The following PCBP3 variants were observed in gnomAD, a reference collection of about 807,000 sequenced individuals.
The protein encoded by PCBP3 is poly(rC) binding protein 3.
In PCBP3, 25 loss-of-function variants were observed where a neutral mutation model predicts 52.7. The ratio of observed to expected loss-of-function variants is 0.47; its 90% CI spans 0.35 to 0.66. The LOEUF is 0.66. PCBP3 is among the 30% of genes least tolerant of loss of function. PCBP3 has a pLI of 0.01. For synonymous variants in PCBP3, 162 were observed against 183.0 expected, an observed-to-expected ratio of 0.89 and a Z score of 0.93; for missense variants, 391 against 490.3, an observed-to-expected ratio of 0.80 and a Z score of 1.91.
chr21:45,835,591 G>C (rs57692217), intron 4 of PCBP3, among the ~76,000 whole-genome samples: 3,641 of 152,304 alleles, frequency 0.024, 163 homozygotes, highest in African/African-American at 0.082. Flanking sequence ...AGCATTCTGG[G>C]CACTCACATG....
At chr21:45,809,045 G>C (rs905951470) in intron 4 of PCBP3, among the ~76,000 whole-genome samples, 2 of 152,054 alleles carry the variant, frequency 1.3e-5, no homozygotes, top group African/African-American at 4.8e-5. Flanking sequence ...GTTGGGGGGT[G>C]GGGGGCTAGG....
At chr21:45,833,842 T>G in intron 4 of PCBP3, among the ~76,000 whole-genome samples, 1 of 152,222 alleles carries the variant, frequency 6.6e-6, no homozygotes, top group Non-Finnish European at 1.5e-5. Flanking sequence ...CCTGCCTGCC[T>G]GGGCAGGAGC....
At chr21:45,776,434 C>G (rs754397306) in intron 4 of PCBP3, among the ~76,000 whole-genome samples, 4 of 151,684 alleles carry the variant, frequency 2.6e-5, no homozygotes, top group African/African-American at 4.9e-5. Context: ...ACTTGAGTCT[C>G]TCTCTCTCCC....
At chr21:45,895,176 G>A (rs1415929641) in intron 5 of PCBP3, among the ~76,000 whole-genome samples, 13 of 152,208 alleles carry the variant, frequency 8.5e-5, no homozygotes, top group Admixed American at 4.6e-4. Context: ...CGGGCTTTAC[G>A]TCTGTGTTAT....
At chr21:45,789,440 ATG>A (rs1405588983) in intron 4 of PCBP3, among the ~76,000 whole-genome samples, 2 of 114,676 alleles carry the variant, frequency 1.7e-5, no homozygotes, top group Non-Finnish European at 4.2e-5. Context: ...ATGTGTACAC[ATG>A]TGTGCATACA....
In PCBP3 at chr21:45,928,022, G is replaced by A. The variant is rs1056421625; in HGVS notation, c.718-1895G>A. Among the ~76,000 whole-genome samples, 2 of 152,206 alleles carry A rather than the reference G, an allele frequency of 1.3e-5. No homozygotes were observed. Among genetic ancestry groups the A allele is most frequent in the African/African-American group, 2.4e-5 (1 of 41,460 alleles). ...TTTGCCAGGAGTGTCTCACCCCGCC[G>A]TGGGCGATCTTGCCTGCAGCTCTCC... is the stretch of plus-strand genomic sequence containing the variant. On this transcript the variant is annotated intron_variant, in intron 13 of 17. Coordinates refer to ENST00000681687, the MANE Select transcript of PCBP3 (RefSeq NM_001384156.1). The surrounding 1 kb of genome is among the most constrained non-coding windows in gnomAD (Gnocchi z 4.1).
chr21:45,659,109 ATTG>A (rs2080214044), intron 1 of PCBP3, among the ~76,000 whole-genome samples: 1 of 139,722 alleles, frequency 7.2e-6, no homozygotes, highest in Non-Finnish European at 1.6e-5. Flanking sequence ...CTTTGGTTTC[ATTG>A]TTGTTTTTCT....
intron 4 of PCBP3, among the ~76,000 whole-genome samples, chr21:45,799,873 T>C (rs1048143733): frequency 2.6e-5 from 4 of 152,198 alleles, no homozygotes; most frequent in Admixed American, 2.6e-4. Context: ...AAGCAGCCTC[T>C]TGAGGTGATG....
intron 3 of PCBP3, among the ~76,000 whole-genome samples, chr21:45,738,756 T>G (rs910298007): frequency 1.3e-5 from 1 of 74,386 alleles, no homozygotes; most frequent in African/African-American, 5.4e-5. Flanking sequence ...GTCCATTGTC[T>G]TCTGCGTGGC....
chr21:45,928,430 A>G lies in PCBP3; in HGVS notation c.718-1487A>G, dbSNP rs1314879134. Among the ~76,000 whole-genome samples the G allele has an allele frequency of 6.6e-6, 1 of 152,058 alleles. No individual in the cohort carries two copies. Among genetic ancestry groups the G allele is most frequent in the Admixed American group, 6.5e-5 (1 of 15,278 alleles). On this transcript the variant is annotated intron_variant, in intron 13 of 17. Coordinates refer to ENST00000681687, the MANE Select transcript of PCBP3 (RefSeq NM_001384156.1). This position sits in a 1 kb window ranked among gnomAD's most constrained non-coding sequence, Gnocchi z 4.1. ...CCTCCCAGGGTACTAGGTACTGAGG[A>G]AGGAAGGGCCTTTATCTTGACTCTG...
intron 2 of PCBP3, among the ~76,000 whole-genome samples, chr21:45,733,573 G>C (rs1287644791): frequency 6.6e-6 from 1 of 151,934 alleles, no homozygotes; most frequent in East Asian, 1.9e-4. Context: ...TTACAGGCAT[G>C]AGCCACCGTG....
At chr21:45,764,057 C>T (rs1463707887) in intron 4 of PCBP3, among the ~76,000 whole-genome samples, 1 of 151,848 alleles carries the variant, frequency 6.6e-6, no homozygotes, top group Non-Finnish European at 1.5e-5. Flanking sequence ...TCTAGCTCCT[C>T]CCTTTTGTTC....
chr21:45,658,888 A>G (rs548596640), intron 1 of PCBP3, among the ~76,000 whole-genome samples: 2 of 151,054 alleles, frequency 1.3e-5, no homozygotes, highest in South Asian at 4.2e-4. Flanking sequence ...AAGTTTTGAT[A>G]GTTTCTGTCT....
intron 9 of PCBP3, among the ~76,000 whole-genome samples, chr21:45,907,713 A>G (rs1049501044): frequency 6.7e-6 from 1 of 150,318 alleles, no homozygotes; most frequent in Non-Finnish European, 1.5e-5. Flanking sequence ...ATTCAGCTCC[A>G]ATCCAAGGTT....
At chr21:45,720,389 G>C (rs1387144543) in intron 2 of PCBP3, among the ~76,000 whole-genome samples, 1 of 152,130 alleles carries the variant, frequency 6.6e-6, no homozygotes. Context: ...TCCCTGCAAA[G>C]GACATGAACT....
At chr21:45,859,435 T>G (rs2094432526) in intron 5 of PCBP3, among the ~76,000 whole-genome samples, 1 of 152,112 alleles carries the variant, frequency 6.6e-6, no homozygotes, top group South Asian at 2.1e-4. Context: ...CATTTCACAC[T>G]CTCCCCATTT....
At position 45,878,280 on chromosome 21, in the gene PCBP3, C is replaced by G. The variant is rs868037173; in HGVS notation, c.11-17928C>G. 1.6e-4 allele frequency among the ~76,000 whole-genome samples: 24 copies of G among 152,384 alleles called. 1 individual carries two copies. Among genetic ancestry groups the G allele is most frequent in the Admixed American group, 3.3e-4 (5 of 15,308 alleles). ...CCCAGGGCCATTTCCCATCCCTGCCCTCCGGGGTGGGGGGGTCCTCCCGGG... is the reference window on the plus strand; with the variant it reads ...CCCAGGGCCATTTCCCATCCCTGCCGTCCGGGGTGGGGGGGTCCTCCCGGG... On this transcript the variant is annotated intron_variant, in intron 5 of 17. Coordinates refer to ENST00000681687, the MANE Select transcript of PCBP3 (RefSeq NM_001384156.1).
chr21:45,651,271 C>T (rs908686615), intron 1 of PCBP3, among the ~76,000 whole-genome samples: 66 of 152,158 alleles, frequency 4.3e-4, no homozygotes, highest in African/African-American at 1.5e-3. Flanking sequence ...GAAGGGTGTT[C>T]GACTCTATTT....
Position 45,909,498 on chromosome 21 carries a change from T to C in PCBP3, c.471+12T>C. ...AGGAGATCAGGGAGGTAACAGGACC[T>C]TCCCAGCCTGGGCCGCTGCGGAGCC... On this transcript the variant is annotated intron_variant, in intron 10 of 17. Coordinates refer to ENST00000681687, the MANE Select transcript of PCBP3 (RefSeq NM_001384156.1). The C allele has an allele frequency of 1.2e-6, 2 of 1,610,936 alleles. No individual in the cohort carries two copies. The highest frequency in any genetic ancestry group is 1.7e-6 in the Non-Finnish European group (2 of 1,178,820).
Sources: gnomAD v4.1 joint callset for allele counts (sites outside exome capture counted in the v4.1 genomes callset) on GRCh38, gnomAD v4.1.1 for gene constraint, Gnocchi (gnomAD v3.1) non-coding constraint, MANE v1.5 for transcripts, NCBI Gene and HGNC (gene_info 2026-07-23, HGNC 2026-07-21) for gene names.